The following SPOCK1 variants were observed in gnomAD, a reference collection of about 807,000 sequenced individuals.
The protein encoded by SPOCK1 is testican-1.
A neutral mutation model predicts 55.3 loss-of-function variants in SPOCK1; 23 were observed. The ratio of observed to expected loss-of-function variants is 0.42; its 90% CI spans 0.30 to 0.59. The LOEUF (loss-of-function observed/expected upper bound fraction) is 0.59. Ranked by LOEUF, SPOCK1 falls within the 20% of genes least tolerant of loss-of-function variation. The pLI is 0.22. For synonymous variants in SPOCK1, 226 were observed against 221.0 expected (o/e 1.02, Z -0.20); for missense variants, 499 against 552.5 (o/e 0.90, Z 0.97).
intron 2 of SPOCK1, among the ~76,000 whole-genome samples, chr5:137,489,020 TG>T (rs1249035420): frequency 1.3e-5 from 2 of 152,206 alleles, no homozygotes; most frequent in African/African-American, 4.8e-5. Context: ...CAAATTAACT[TG>T]GATCTTAGCA....
At chr5:137,457,014 A>G (rs1003417280) in intron 2 of SPOCK1, among the ~76,000 whole-genome samples, 2 of 152,212 alleles carry the variant, frequency 1.3e-5, no homozygotes, top group African/African-American at 4.8e-5. Context: ...ATGTTTTCCA[A>G]TAGTTATCCT....
intron 2 of SPOCK1, among the ~76,000 whole-genome samples, chr5:137,281,499 A>C (rs143251808): frequency 6.6e-6 from 1 of 152,222 alleles, no homozygotes; most frequent in Non-Finnish European, 1.5e-5. Context: ...TTGTCCTGGC[A>C]TTTCTGTACC....
intron 2 of SPOCK1, among the ~76,000 whole-genome samples, chr5:137,473,565 C>T (rs560356875): frequency 6.6e-6 from 1 of 152,072 alleles, no homozygotes; most frequent in Non-Finnish European, 1.5e-5. Context: ...TGATTTTGAA[C>T]ATAAATGTTT....
rs561203517 is a variant in SPOCK1 at position 137,376,992 on chromosome 5, A to G, written c.187-109937T>C. ...CTTCGCTTCCTAACTCATGAAGGAAAGACCAGCTTTGAACTTCCTAAGGTC... is the reference window on the plus strand; with the variant it reads ...CTTCGCTTCCTAACTCATGAAGGAAGGACCAGCTTTGAACTTCCTAAGGTC... On this transcript the variant is annotated intron_variant, in intron 2 of 10. Transcript: ENST00000394945. Among the ~76,000 whole-genome samples the G allele has an allele frequency of 5.3e-5, 8 of 152,336 alleles. No individual in the cohort carries two copies. In the East Asian group the frequency reaches 1.5e-3, roughly 29 times the overall value.
chr5:137,211,306 C>G (rs1270993581), intron 3 of SPOCK1, among the ~76,000 whole-genome samples: 3 of 152,176 alleles, frequency 2.0e-5, no homozygotes, highest in Non-Finnish European at 4.4e-5. Context: ...TTGAGCAAGT[C>G]TTTAAGTACC....
At chr5:137,061,259 A>G (rs549458066) in intron 6 of SPOCK1, among the ~76,000 whole-genome samples, 2 of 152,154 alleles carry the variant, frequency 1.3e-5, no homozygotes, top group Non-Finnish European at 2.9e-5. Flanking sequence ...TTTTCCATTG[A>G]GACATTACAG....
At chr5:137,283,517 C>A (rs1757204569) in intron 2 of SPOCK1, among the ~76,000 whole-genome samples, 1 of 152,128 alleles carries the variant, frequency 6.6e-6, no homozygotes, top group Non-Finnish European at 1.5e-5. Flanking sequence ...AGTTCGAGAC[C>A]AGCCTGGCCA....
chr5:137,302,936 TAC>T (rs1254425279), intron 2 of SPOCK1, among the ~76,000 whole-genome samples: 3 of 152,288 alleles, frequency 2.0e-5, no homozygotes, highest in African/African-American at 7.2e-5. Context: ...AGGGACTCAA[TAC>T]ATACTAGCAG....
chr5:137,192,972 T>C (rs571660866), intron 3 of SPOCK1, among the ~76,000 whole-genome samples: 3 of 152,342 alleles, frequency 2.0e-5, no homozygotes, highest in African/African-American at 7.2e-5. Context: ...AAAGATATAC[T>C]AGGGTCCTCA....
intron 3 of SPOCK1, among the ~76,000 whole-genome samples, chr5:137,238,840 C>T (rs1323777886): frequency 2.0e-5 from 3 of 152,232 alleles, no homozygotes; most frequent in African/African-American, 2.4e-5. Context: ...GTGAGATATA[C>T]ACTTGATCTT....
At chr5:137,189,239 A>G (rs1408653489) in intron 3 of SPOCK1, among the ~76,000 whole-genome samples, 1 of 152,262 alleles carries the variant, frequency 6.6e-6, no homozygotes, top group African/African-American at 2.4e-5. Context: ...AATGCAGGCA[A>G]AACAACTTTC....
chr5:136,995,401 G>A (rs896017040), intron 6 of SPOCK1, among the ~76,000 whole-genome samples: 26 of 152,176 alleles, frequency 1.7e-4, no homozygotes, highest in African/African-American at 6.3e-4. Flanking sequence ...AGATCCTCAG[G>A]AGCAGGCCCT....
intron 5 of SPOCK1, among the ~76,000 whole-genome samples, chr5:137,105,636 A>G (rs955725754): frequency 3.9e-5 from 6 of 152,238 alleles, no homozygotes; most frequent in African/African-American, 1.4e-4. Context: ...AATTGTTGGA[A>G]ACTATTAAGA....
intron 2 of SPOCK1, among the ~76,000 whole-genome samples, chr5:137,474,376 C>T (rs34252259): frequency 0.018 from 2,723 of 152,002 alleles, 36 homozygotes; most frequent in Middle Eastern, 0.027. Context: ...TCTCACTGTG[C>T]GAAAAATAAA....
At chr5:137,001,256 G>A (rs1328282051) in intron 6 of SPOCK1, among the ~76,000 whole-genome samples, 1 of 152,192 alleles carries the variant, frequency 6.6e-6, no homozygotes, top group African/African-American at 2.4e-5. Context: ...CTCAGTAGCT[G>A]TCGGCTGTGA....
chr5:137,187,042 C>A (rs1561465615), intron 3 of SPOCK1, among the ~76,000 whole-genome samples: 1 of 152,200 alleles, frequency 6.6e-6, no homozygotes, highest in Non-Finnish European at 1.5e-5. Context: ...TCTCTGGCAG[C>A]TCCTTGGTCT....
chr5:137,025,953 T>C (rs1751666306), intron 6 of SPOCK1, among the ~76,000 whole-genome samples: 1 of 152,166 alleles, frequency 6.6e-6, no homozygotes, highest in South Asian at 2.1e-4. Flanking sequence ...CAGGAATACA[T>C]TGCGAAGGAA....
intron 8 of SPOCK1, 92 bp from the exon 9 acceptor site, chr5:136,985,294 G>T: frequency 8.4e-7 from 1 of 1,193,692 alleles, no homozygotes; most frequent in Non-Finnish European, 1.2e-6. Flanking sequence ...TGTAGACAAT[G>T]ACACACCTGG....
chr5:136,999,092 G>A (rs1446544223), intron 6 of SPOCK1, among the ~76,000 whole-genome samples: 1 of 152,190 alleles, frequency 6.6e-6, no homozygotes, highest in Non-Finnish European at 1.5e-5. Context: ...CTTTAAGCTA[G>A]ACTGGATTTG....
Sources: allele counts gnomAD v4.1 joint callset (sites outside exome capture counted in the v4.1 genomes callset), GRCh38; gene constraint gnomAD v4.1.1; transcripts MANE v1.5; gene names NCBI Gene and HGNC (gene_info 2026-07-23, HGNC 2026-07-21).